AP3B1: variants seen among roughly 807,000 people sequenced by gnomAD.
AP3B1 encodes the protein adaptor related protein complex 3 subunit beta 1.
Under a neutral mutation model 132.5 loss-of-function variants are expected in AP3B1, and 61 were observed. That is an observed-to-expected ratio of 0.46 (90% CI 0.37 to 0.57). AP3B1 has a LOEUF of 0.57. Ranked by LOEUF, AP3B1 falls within the 20% of genes least tolerant of loss-of-function variation. The pLI, the probability that AP3B1 is intolerant of heterozygous loss-of-function variation, is 0.00. For synonymous variants in AP3B1, 388 were observed against 438.3 expected, an observed-to-expected ratio of 0.89 and a Z score of 1.43; for missense variants, 1,120 against 1,289.4, an observed-to-expected ratio of 0.87 and a Z score of 2.01.
In AP3B1 at chr5:78,286,968, T is replaced by G. The variant is rs145804207; in HGVS notation, c.128+7484A>C. 6.1e-3 allele frequency among the ~76,000 whole-genome samples: 931 copies of G among 152,358 alleles called. 11 individuals carry two copies. Among genetic ancestry groups the G allele is most frequent in the African/African-American group, 0.021 (892 of 41,584 alleles). ...TTCATTTTAAATTTTGAATTTGGAC[T>G]GCAGGCAATTTGTTTTTGTCAGTAG... On this transcript the variant is annotated intron_variant, in intron 1 of 26. Coordinates refer to ENST00000255194, the MANE Select transcript of AP3B1 (RefSeq NM_003664.5).
chr5:78,166,771 T>C (rs769373797), intron 11 of AP3B1, among the ~76,000 whole-genome samples: 4 of 152,092 alleles, frequency 2.6e-5, no homozygotes, highest in Non-Finnish European at 5.9e-5. Flanking sequence ...CAACAAATGG[T>C]GCCAGGATAA....
chr5:78,225,254 C>G (rs1746356329), intron 6 of AP3B1, among the ~76,000 whole-genome samples: 1 of 152,104 alleles, frequency 6.6e-6, no homozygotes. Context: ...TAGGTCACCT[C>G]TATTCCTTGA....
At chr5:78,248,972 T>C (rs571485048) in intron 2 of AP3B1, among the ~76,000 whole-genome samples, 1 of 152,318 alleles carries the variant, frequency 6.6e-6, no homozygotes, top group Admixed American at 6.5e-5. Flanking sequence ...GACTTTATTT[T>C]TGGTTTTCAA....
At chr5:78,059,710 G>A (rs980227365) in intron 22 of AP3B1, among the ~76,000 whole-genome samples, 1 of 152,046 alleles carries the variant, frequency 6.6e-6, no homozygotes, top group Non-Finnish European at 1.5e-5. Context: ...AGCGCCATGG[G>A]TTGGTTTTGA....
In AP3B1 at chr5:78,278,216, C is replaced by A. The variant is rs192845266; in HGVS notation, c.129-10621G>T. Among the ~76,000 whole-genome samples the A allele has an allele frequency of 4.6e-5, 7 of 152,264 alleles. No homozygotes were observed. In the East Asian group the frequency reaches 1.4e-3, roughly 29 times the overall value. On this transcript the variant is annotated intron_variant, in intron 1 of 26. Coordinates refer to ENST00000255194, the MANE Select transcript of AP3B1 (RefSeq NM_003664.5). The stretch of plus-strand genomic sequence containing the variant: ...TATATAAACTAAACTATGTCAGTGG[C>A]TCTATGAGATTTCCTGTAAAACTTT...
intron 7 of AP3B1, among the ~76,000 whole-genome samples, chr5:78,211,982 T>C (rs940227092): frequency 2.0e-5 from 3 of 152,212 alleles, no homozygotes; most frequent in African/African-American, 4.8e-5. Context: ...AATGGAATAC[T>C]ATGTAAGAAA....
At chr5:78,169,733 GTTTATTTA>G (rs1554072569) in intron 11 of AP3B1, among the ~76,000 whole-genome samples, 47 of 151,268 alleles carry the variant, frequency 3.1e-4, no homozygotes, top group Non-Finnish European at 4.3e-4. Flanking sequence ...AAGCCCTGAA[GTTTATTTA>G]TTTATTTATT....
intron 24 of AP3B1, among the ~76,000 whole-genome samples, chr5:78,024,055 G>C (rs541215807): frequency 6.8e-4 from 103 of 152,144 alleles, no homozygotes; most frequent in Non-Finnish European, 1.3e-3. Flanking sequence ...CTCTAGAAAG[G>C]AGTAGGATAC....
In AP3B1 at chr5:78,181,506, C is replaced by A. The variant is rs1273775731; in HGVS notation, c.942+1G>T. ...TATTTCTTATAAGGATTTTAACATA[C>A]CGCAGCATTCCTGCTCTGAAGCAAA... On this transcript the variant is annotated splice_donor_variant, in intron 8 of 26. Coordinates refer to ENST00000255194, the MANE Select transcript of AP3B1 (RefSeq NM_003664.5). LOFTEE classifies it high-confidence loss of function. 1 of 1,611,950 alleles carries A rather than the reference C, an allele frequency of 6.2e-7. No homozygotes were observed. Among genetic ancestry groups the A allele is most frequent in the African/African-American group, 1.3e-5 (1 of 74,900 alleles).
intron 24 of AP3B1, among the ~76,000 whole-genome samples, chr5:78,029,341 ACTT>A (rs1561362072): frequency 1.3e-5 from 2 of 152,096 alleles, no homozygotes; most frequent in South Asian, 2.1e-4. Flanking sequence ...TACCTAAAAT[ACTT>A]CTTAATTTTT....
chr5:78,081,532 C>T (rs1238056295), intron 22 of AP3B1, among the ~76,000 whole-genome samples: 1 of 151,954 alleles, frequency 6.6e-6, no homozygotes, highest in African/African-American at 2.4e-5. Flanking sequence ...CTCCTGACCT[C>T]GTGATCCGCC....
At chr5:78,159,048 C>T (rs1262449542) in intron 13 of AP3B1, among the ~76,000 whole-genome samples, 1 of 152,104 alleles carries the variant, frequency 6.6e-6, no homozygotes, top group Non-Finnish European at 1.5e-5. Context: ...ATGAGGAAAG[C>T]AAAGGTAAAT....
chr5:78,068,681 G>A (rs184597177), intron 22 of AP3B1, among the ~76,000 whole-genome samples: 276 of 152,208 alleles, frequency 1.8e-3, no homozygotes, highest in African/African-American at 6.0e-3. Flanking sequence ...ATATAAAGAG[G>A]AGATGATAAC....
intron 22 of AP3B1, 23 bp downstream of exon 22, chr5:78,089,370 G>A (rs767294811): frequency 5.9e-6 from 9 of 1,517,632 alleles, no homozygotes; most frequent in Non-Finnish European, 7.3e-6. Flanking sequence ...AAACCGAGCT[G>A]GTGGATTTTA....
chr5:78,129,574 T>TA (rs1198236831), intron 15 of AP3B1, among the ~76,000 whole-genome samples: 5 of 151,946 alleles, frequency 3.3e-5, no homozygotes, highest in Admixed American at 6.6e-5. Flanking sequence ...AAGGCATCAT[T>TA]AAAAAAATAA....
At chr5:78,091,175 A>G (rs1750493172) in intron 21 of AP3B1, among the ~76,000 whole-genome samples, 1 of 152,010 alleles carries the variant, frequency 6.6e-6, no homozygotes, top group Non-Finnish European at 1.5e-5. Context: ...CCGTAAAGTT[A>G]ACAACAAATA....
At chr5:78,292,939 C>G (rs572269857) in intron 1 of AP3B1, among the ~76,000 whole-genome samples, 1 of 151,954 alleles carries the variant, frequency 6.6e-6, no homozygotes, top group African/African-American at 2.4e-5. Context: ...AGTGCTGTGG[C>G]GCGATCTCGG....
intron 2 of AP3B1, among the ~76,000 whole-genome samples, 170 bp from the exon 3 acceptor site, chr5:78,241,106 C>A (rs979757692): frequency 2.0e-5 from 3 of 152,006 alleles, no homozygotes; most frequent in African/African-American, 7.2e-5. Context: ...AATATAAATA[C>A]ACAAATACAT....
intron 22 of AP3B1, among the ~76,000 whole-genome samples, chr5:78,071,343 G>A (rs1749533606): frequency 6.6e-6 from 1 of 152,176 alleles, no homozygotes; most frequent in Non-Finnish European, 1.5e-5. Flanking sequence ...TCACTTATAA[G>A]TGGGAGCTGA....
Sources: gnomAD v4.1 joint callset for allele counts (sites outside exome capture counted in the v4.1 genomes callset) on GRCh38, gnomAD v4.1.1 for gene constraint, MANE v1.5 for transcripts, NCBI Gene and HGNC (gene_info 2026-07-23, HGNC 2026-07-21) for gene names.